Variants in ADAM19 observed in about 807,000 individuals in gnomAD.
ADAM19 encodes the protein disintegrin and metalloproteinase domain-containing protein 19.
Under a neutral mutation model 114.7 loss-of-function variants are expected in ADAM19, and 65 were observed. The observed-to-expected ratio is 0.57, with a 90% CI of 0.46 to 0.70. The LOEUF is 0.70. ADAM19 is among the 30% of genes least tolerant of loss of function. ADAM19 has a pLI of 0.00. For missense variants in ADAM19, 1,063 were observed against 1,204.7 expected, an observed-to-expected ratio of 0.88 and a Z score of 1.74; for synonymous variants, 466 against 460.5, an observed-to-expected ratio of 1.01 and a Z score of -0.15.
At chr5:157,481,475 CT>C in intron 22 of ADAM19, 2 of 870,852 alleles carry the variant, frequency 2.3e-6, no homozygotes, top group East Asian at 5.3e-5. Flanking sequence ...GCTGGTACTA[CT>C]GCTCATCATA....
Position 157,491,990 on chromosome 5 carries a change from T to C in ADAM19, c.1909-78A>G. 3 of 1,426,442 alleles carry C rather than the reference T, an allele frequency of 2.1e-6. No homozygotes were observed. The South Asian group carries it at 3.5e-5, about 17-fold the overall frequency. The allele number at this position is 1,426,442 out of a possible 1,614,324, so 88.4% of individuals were successfully genotyped here. On this transcript the variant is annotated intron_variant, in intron 16 of 22. Coordinates refer to ENST00000257527, the MANE Select transcript of ADAM19 (RefSeq NM_033274.5). ...GAGTTAGGAGGCAAGATTTTGCACTTGGAACATATGAGGACCCATGGCCCG... is the reference window on the plus strand; with the variant it reads ...GAGTTAGGAGGCAAGATTTTGCACTCGGAACATATGAGGACCCATGGCCCG...
At chr5:157,567,946 C>T (rs1182645422) in intron 2 of ADAM19, 2 of 152,222 alleles carry the variant, frequency 1.3e-5, no homozygotes, top group Middle Eastern at 3.4e-3. Flanking sequence ...TTCCCCTCCC[C>T]CAAAGAGACA....
chr5:157,528,227 T>C (rs1211232622), intron 5 of ADAM19, among the ~76,000 whole-genome samples: 4 of 152,144 alleles, frequency 2.6e-5, no homozygotes, highest in Admixed American at 2.6e-4. Flanking sequence ...TTAAGGCGTG[T>C]GTAGTGAGAA....
Position 157,522,187 on chromosome 5 carries a change from T to C in ADAM19, c.408-2156A>G, listed in dbSNP as rs145600767. 3.9e-5 allele frequency among the ~76,000 whole-genome samples: 6 copies of C among 152,322 alleles called. No individual in the cohort carries two copies. The East Asian group carries it at 1.2e-3, about 29-fold the overall frequency. On this transcript the variant is annotated intron_variant, in intron 5 of 22. Transcript: ENST00000257527. ...CTTCCCACCACCTTCCTAGGATCCT[T>C]ACAAATATTGTCCCCAACGTACAAA...
rs11466784 is a variant in ADAM19, at chr5:157,494,643, G to A, written c.1703+44C>T. On this transcript the variant is annotated intron_variant, in intron 15 of 22. Transcript: ENST00000257527. ...CAACAGTGAGGACAGAGCAGAAACT[G>A]CTTGTTCATCCTCATTTCATGAGGC... 0.064 allele frequency: 98,838 copies of A among 1,545,462 alleles called. 3,518 individuals are homozygous for A. Among genetic ancestry groups the A allele is most frequent in the African/African-American group, 0.093 (6,827 of 73,554 alleles).
chr5:157,517,998 C>T (rs539515838), intron 7 of ADAM19, among the ~76,000 whole-genome samples: 3 of 152,246 alleles, frequency 2.0e-5, no homozygotes, highest in East Asian at 1.9e-4. Context: ...AAGGGTGCTG[C>T]TGATGCTGGT....
rs181341939 is a variant in ADAM19 at position 157,526,403 on chromosome 5, A to G, written c.407+4404T>C. ...ATAATGATAATTTTTAACAAAAAAA[A>G]ATTTTTAAAAAAGTAAACAACTTAC... On this transcript the variant is annotated intron_variant, in intron 5 of 22. Coordinates refer to ENST00000257527, the MANE Select transcript of ADAM19 (RefSeq NM_033274.5). Among the ~76,000 whole-genome samples, 179 of 152,262 alleles carry G rather than the reference A, an allele frequency of 1.2e-3. 3 individuals carry two copies. In the Middle Eastern group the frequency reaches 0.014, roughly 12 times the overall value.
intron 3 of ADAM19, among the ~76,000 whole-genome samples, chr5:157,556,001 A>G (rs1757356347): frequency 6.6e-6 from 1 of 152,058 alleles, no homozygotes; most frequent in Non-Finnish European, 1.5e-5. Context: ...CAGGTAATCC[A>G]AGATAATCTT....
intron 9 of ADAM19, among the ~76,000 whole-genome samples, chr5:157,507,366 G>A (rs534803098): frequency 6.6e-6 from 1 of 152,350 alleles, no homozygotes; most frequent in South Asian, 2.1e-4. Context: ...AACACAAAGA[G>A]AGAGAGAAAG....
rs1581332776 is a variant in ADAM19, at chr5:157,530,665, C to T, written c.407+142G>A. 5 of 646,914 alleles carry T rather than the reference C, an allele frequency of 7.7e-6. No homozygotes were observed. The East Asian group carries it at 1.4e-4, about 18-fold the overall frequency. 40.1% of individuals were successfully genotyped at this position (646,914 alleles called of 1,614,324 possible). Reference sequence around the variant, plus strand: ...CTAGGCTTTCCCTTGCCCATCCTCCCAGGCTCAGCCCCTCTCTGGGCTGGC... The same window carrying T: ...CTAGGCTTTCCCTTGCCCATCCTCCTAGGCTCAGCCCCTCTCTGGGCTGGC... On this transcript the variant is annotated intron_variant, in intron 5 of 22. Coordinates refer to ENST00000257527, the MANE Select transcript of ADAM19 (RefSeq NM_033274.5).
rs961802025 is a variant in ADAM19, at chr5:157,496,924, G to C, written c.1564C>G (p.Gln522Glu). The change falls in exon 14 of 23, where the codon CAG (glutamine) becomes GAG (glutamate). Residue 522 changes from glutamine to glutamate, a missense_variant. This residue lies in a region of ADAM19 where 615 missense variants were observed against 706.3 expected (regional missense o/e 0.87). Coordinates refer to ENST00000257527, the MANE Select transcript of ADAM19 (RefSeq NM_033274.5). ...CCCCACAGCTGCTGGCACTGCTCCT[G>C]GTAGGTGAGGCACATGCCGTTGTAG... ...YCYNGMCLTY[Q>E]EQCQQLWGPG... 1 of 1,594,442 alleles carries C rather than the reference G, an allele frequency of 6.3e-7. No homozygotes were observed. Among genetic ancestry groups the C allele is most frequent in the Non-Finnish European group, 8.5e-7 (1 of 1,171,636 alleles).
At chr5:157,517,052 T>C (rs1305793426) in intron 7 of ADAM19, among the ~76,000 whole-genome samples, 1 of 152,154 alleles carries the variant, frequency 6.6e-6, no homozygotes, top group Non-Finnish European at 1.5e-5. Context: ...CGGCCCGGAA[T>C]GCCCTTCACC....
intron 21 of ADAM19, among the ~76,000 whole-genome samples, chr5:157,483,065 T>TG (rs1272944205): frequency 1.3e-5 from 2 of 151,004 alleles, no homozygotes; most frequent in Admixed American, 6.6e-5. Flanking sequence ...TGTTGGGTGG[T>TG]GGGGGGCTAG....
Position 157,520,169 on chromosome 5 carries a change from G to A in ADAM19, c.408-138C>T, listed in dbSNP as rs574228951. 80 of 760,332 alleles carry A rather than the reference G, an allele frequency of 1.1e-4. No individual in the cohort carries two copies. The South Asian group carries it at 1.5e-3, about 14-fold the overall frequency. 47.1% of individuals were successfully genotyped at this position (760,332 alleles called of 1,614,324 possible). On this transcript the variant is annotated intron_variant, in intron 5 of 22. Transcript: ENST00000257527. ...GTTCTTAACCTAATTATGGGGCCAT[G>A]TACCCCTTCGTGAGACTCTGATGCA...
At position 157,479,285 on chromosome 5, in the gene ADAM19, G is replaced by A. The variant is rs1754679353; in HGVS notation, c.*1664C>T. The A allele has an allele frequency of 1.0e-6, 1 of 985,758 alleles. No homozygotes were observed. Among genetic ancestry groups the A allele is most frequent in the Non-Finnish European group, 1.2e-6 (1 of 829,964 alleles). 61.1% of individuals were successfully genotyped at this position (985,758 alleles called of 1,614,324 possible). ...TATTTCCAAACCCAAGAACATCCAA[G>A]AAGCACCTATTGTGTGCAGAGAACT... On this transcript the variant is annotated 3_prime_UTR_variant, in exon 23 of 23. Transcript: ENST00000257527.
At chr5:157,529,640 A>G (rs1194581988) in intron 5 of ADAM19, among the ~76,000 whole-genome samples, 1 of 152,232 alleles carries the variant, frequency 6.6e-6, no homozygotes, top group Non-Finnish European at 1.5e-5. Flanking sequence ...CACCTAGAGA[A>G]GCAAAGTCCT....
intron 2 of ADAM19, among the ~76,000 whole-genome samples, chr5:157,567,377 C>T (rs1436329306): frequency 6.6e-6 from 1 of 152,232 alleles, no homozygotes; most frequent in African/African-American, 2.4e-5. Flanking sequence ...GTTTGTCATG[C>T]CCTGATTCAG....
chr5:157,551,052 C>G (rs758389627), intron 3 of ADAM19, among the ~76,000 whole-genome samples: 2 of 152,110 alleles, frequency 1.3e-5, no homozygotes, highest in African/African-American at 2.4e-5. Flanking sequence ...AAGAATAAAA[C>G]TAGGCCCCTA....
intron 7 of ADAM19, among the ~76,000 whole-genome samples, chr5:157,517,431 T>C (rs930417534): frequency 1.3e-5 from 2 of 152,212 alleles, no homozygotes; most frequent in African/African-American, 2.4e-5. Context: ...ACTTATATGA[T>C]GGAGTCACTA....
Sources: gnomAD v4.1 joint callset for allele counts (sites outside exome capture counted in the v4.1 genomes callset) on GRCh38, gnomAD v4.1.1 for gene constraint, gnomAD v4.1.1 regional missense constraint, MANE v1.5 for transcripts, NCBI Gene and HGNC (gene_info 2026-07-23, HGNC 2026-07-21) for gene names.